Variants in ZSWIM6 observed in about 807,000 individuals in gnomAD.
ZSWIM6 encodes zinc finger SWIM domain-containing protein 6.
In ZSWIM6, 9 loss-of-function variants were observed where a neutral mutation model predicts 113.2. The observed-to-expected ratio is 0.08, with a 90% CI of 0.05 to 0.14. The LOEUF (loss-of-function observed/expected upper bound fraction) is 0.14. Among genes scored for constraint, ZSWIM6 ranks in the 10% least tolerant of loss-of-function variants. The pLI is 1.00. For synonymous variants in ZSWIM6, 611 were observed against 606.5 expected (o/e 1.01, Z -0.11); for missense variants, 1,162 against 1,552.2 (o/e 0.75, Z 4.22).
In ZSWIM6 at chr5:61,332,490, G is replaced by A; in HGVS notation, c.218G>A (p.Ser73Asn). The change falls in exon 1 of 14, where the codon AGC becomes AAC. Residue 73 changes from serine to asparagine, a missense_variant. Physicochemically the swap from Ser to Asn is conservative, Grantham distance 46. This residue lies in a region of ZSWIM6 where 333 missense variants were observed against 293.4 expected (regional missense o/e 1.13). Coordinates refer to ENST00000252744, the MANE Select transcript of ZSWIM6 (RefSeq NM_020928.2). Reference protein sequence around the residue: ...LGLLPPGKTQSPESLLDIAAR... With the variant: ...LGLLPPGKTQNPESLLDIAAR... ...TTGCTGCCGCCGGGCAAGACCCAGA[G>A]CCCCGAGTCGCTGCTGGACATCGCG... The A allele has an allele frequency of 3.2e-6, 4 of 1,255,852 alleles. No individual in the cohort carries two copies. The highest frequency in any genetic ancestry group is 3.1e-6 in the Non-Finnish European group (3 of 970,254). The allele number at this position is 1,255,852 out of a possible 1,614,324, so 77.8% of individuals were successfully genotyped here. A position where few individuals can be genotyped will look rare whatever the true frequency, so the allele number is the denominator to read the frequency against.
chr5:61,413,320 A>G (rs1344215488), intron 1 of ZSWIM6, among the ~76,000 whole-genome samples: 6 of 151,368 alleles, frequency 4.0e-5, no homozygotes, highest in African/African-American at 1.5e-4. Context: ...ATGATTTCCA[A>G]TTTCATCCAT....
chr5:61,459,908 G>A (rs1580007150), intron 1 of ZSWIM6, among the ~76,000 whole-genome samples: 1 of 152,280 alleles, frequency 6.6e-6, no homozygotes, highest in East Asian at 1.9e-4. Context: ...ATAAAATATT[G>A]TAAACACTTT....
chr5:61,453,252 G>A (rs1468149756), intron 1 of ZSWIM6, among the ~76,000 whole-genome samples: 1 of 151,740 alleles, frequency 6.6e-6, no homozygotes, highest in Non-Finnish European at 1.5e-5. Flanking sequence ...TATGTACAAC[G>A]TGCTATTTTG....
intron 1 of ZSWIM6, among the ~76,000 whole-genome samples, chr5:61,457,228 G>A (rs2112164318): frequency 6.6e-6 from 1 of 152,258 alleles, no homozygotes; most frequent in South Asian, 2.1e-4. Flanking sequence ...TTAACCTCAA[G>A]TAGCAGGGTT....
chr5:61,365,126 C>T (rs1333921442), intron 1 of ZSWIM6, among the ~76,000 whole-genome samples: 1 of 151,966 alleles, frequency 6.6e-6, no homozygotes, highest in Non-Finnish European at 1.5e-5. Flanking sequence ...TCGAGGCTGG[C>T]GGATCACCTG....
At chr5:61,417,301 T>C (rs1460953759) in intron 1 of ZSWIM6, among the ~76,000 whole-genome samples, 2 of 152,228 alleles carry the variant, frequency 1.3e-5, no homozygotes, top group African/African-American at 4.8e-5. Context: ...ATATATATTA[T>C]CTACATTAAA....
At chr5:61,538,067 G>T (rs970909205) in intron 10 of ZSWIM6, among the ~76,000 whole-genome samples, 1 of 152,152 alleles carries the variant, frequency 6.6e-6, no homozygotes, top group Non-Finnish European at 1.5e-5. Flanking sequence ...GGGATTACAG[G>T]CACATGCCAC....
intron 1 of ZSWIM6, among the ~76,000 whole-genome samples, chr5:61,355,554 C>T (rs986996750): frequency 7.4e-5 from 11 of 149,318 alleles, no homozygotes; most frequent in African/African-American, 2.7e-4. Context: ...TGTTAGAGAA[C>T]AATACATTTA....
intron 1 of ZSWIM6, among the ~76,000 whole-genome samples, chr5:61,405,333 A>G (rs539659346): frequency 6.6e-6 from 1 of 152,256 alleles, no homozygotes; most frequent in East Asian, 1.9e-4. Flanking sequence ...TAGGATCTAC[A>G]TTTTTCTTCT....
chr5:61,486,807 T>TTGATTTCC (rs1431327670), intron 2 of ZSWIM6, among the ~76,000 whole-genome samples: 4 of 152,084 alleles, frequency 2.6e-5, no homozygotes, highest in Non-Finnish European at 5.9e-5. Context: ...GTTTTTTTGT[T>TTGATTTCC]TGATTTCCTT....
chr5:61,341,361 C>T (rs917704721), intron 1 of ZSWIM6, among the ~76,000 whole-genome samples: 11 of 152,118 alleles, frequency 7.2e-5, no homozygotes, highest in South Asian at 4.1e-4. Context: ...TTTTATTAAT[C>T]GTCGTAAAAT....
intron 2 of ZSWIM6, among the ~76,000 whole-genome samples, chr5:61,487,855 T>C (rs1748063157): frequency 6.6e-6 from 1 of 152,116 alleles, no homozygotes; most frequent in African/African-American, 2.4e-5. Context: ...TTTTCCAATT[T>C]GGATGCCTTT....
chr5:61,433,489 T>G (rs1240083980), intron 1 of ZSWIM6, among the ~76,000 whole-genome samples: 1 of 151,728 alleles, frequency 6.6e-6, no homozygotes. Flanking sequence ...TTTTTTTTTT[T>G]GAGACAGAGT....
Position 61,472,366 on chromosome 5 carries a change from G to C in ZSWIM6, c.677-315G>C, listed in dbSNP as rs1747593045. 6.6e-6 allele frequency among the ~76,000 whole-genome samples: 1 copy of C among 152,198 alleles called. No homozygotes were observed. Among genetic ancestry groups the C allele is most frequent in the Non-Finnish European group, 1.5e-5 (1 of 68,042 alleles). On this transcript the variant is annotated intron_variant, in intron 1 of 13. Transcript: ENST00000252744. The surrounding 1 kb of genome is among the most constrained non-coding windows in gnomAD (Gnocchi z 4.1). ...TGTTGTATACCACTGATTCAGAGCA[G>C]AGTAATGATGGCCTCTTAGTGCGTG...
Position 61,541,232 on chromosome 5 carries a change from C to T in ZSWIM6, c.2704-652C>T, listed in dbSNP as rs190615609. Among the ~76,000 whole-genome samples the T allele has an allele frequency of 7.9e-4, 120 of 152,066 alleles. 2 individuals are homozygous for T. The East Asian group carries it at 0.015, about 19-fold the overall frequency. On this transcript the variant is annotated intron_variant, in intron 12 of 13. Transcript: ENST00000252744. ...TGCCAGGATTACAGGCATGAGCCACCGCACCTGACCGTCCCTGGATATTTT... is the reference window on the plus strand; with the variant it reads ...TGCCAGGATTACAGGCATGAGCCACTGCACCTGACCGTCCCTGGATATTTT...
chr5:61,361,771 A>G (rs1014212653), intron 1 of ZSWIM6, among the ~76,000 whole-genome samples: 3 of 152,196 alleles, frequency 2.0e-5, no homozygotes, highest in East Asian at 1.9e-4. Context: ...CTGTTATTCT[A>G]TTATACTTTA....
intron 1 of ZSWIM6, among the ~76,000 whole-genome samples, chr5:61,372,722 A>C (rs538737247): frequency 6.6e-6 from 1 of 152,154 alleles, no homozygotes; most frequent in East Asian, 1.9e-4. Flanking sequence ...TATTTGTTAC[A>C]CTTGTGCCTC....
chr5:61,365,920 G>A (rs1745139536), intron 1 of ZSWIM6, among the ~76,000 whole-genome samples: 1 of 152,052 alleles, frequency 6.6e-6, no homozygotes, highest in Admixed American at 6.6e-5. Context: ...TCGTCTATCA[G>A]GTGTCTTTTT....
At position 61,545,880 on chromosome 5, in the gene ZSWIM6, A is replaced by G. The variant is rs1749875434; in HGVS notation, c.*1563A>G. ...AAAGCAATTTTTATGTTTTGGTGCA[A>G]AAGTTGTCCAGTGTCTCTTGTTCCC... is the stretch of plus-strand genomic sequence containing the variant. On this transcript the variant is annotated 3_prime_UTR_variant, in exon 14 of 14. Transcript: ENST00000252744. 1 of 152,100 alleles carries G rather than the reference A, an allele frequency of 6.6e-6. No individual in the cohort carries two copies. The highest frequency in any genetic ancestry group is 1.5e-5 in the Non-Finnish European group (1 of 68,018). 9.4% of individuals were successfully genotyped at this position (152,100 alleles called of 1,614,324 possible). A position where few individuals can be genotyped will look rare whatever the true frequency, so the allele number is the denominator to read the frequency against.
Sources: gnomAD v4.1 joint callset for allele counts (sites outside exome capture counted in the v4.1 genomes callset) on GRCh38, gnomAD v4.1.1 for gene constraint, gnomAD v4.1.1 regional missense constraint, Gnocchi (gnomAD v3.1) non-coding constraint, MANE v1.5 for transcripts, NCBI Gene and HGNC (gene_info 2026-07-23, HGNC 2026-07-21) for gene names.